Variants in CXCL13 observed in about 807,000 individuals in gnomAD.
CXCL13 encodes C-X-C motif chemokine 13.
CXCL13 carries 7 observed loss-of-function variants against 12.2 expected under a neutral mutation model. That is an observed-to-expected ratio of 0.57 (90% CI 0.33 to 1.07). The LOEUF (loss-of-function observed/expected upper bound fraction) is 1.07. Ranked by LOEUF, CXCL13 falls within the 50% of genes least tolerant of loss-of-function variation. The pLI is 0.04. For missense variants in CXCL13, 113 were observed against 127.4 expected (o/e 0.89, Z 0.55); for synonymous variants, 47 against 42.4 (o/e 1.11, Z -0.42).
rs115474348 is a variant in CXCL13, at chr4:77,578,972, C to T, written c.-42-26852C>T. 9.2e-3 allele frequency among the ~76,000 whole-genome samples: 1,404 copies of T among 152,276 alleles called. 19 individuals carry two copies. The highest frequency in any genetic ancestry group is 0.032 in the African/African-American group (1,315 of 41,560). The stretch of plus-strand genomic sequence containing the variant: ...AGTGTCGCATAGCAGTTTCTGAGAC[C>T]GAAGGTGCATTTTGAACTTCCTTCA... On this transcript the variant is annotated intron_variant, in intron 1 of 4. Transcript: ENST00000286758.
chr4:77,605,954 CTGTT>C (rs781034959), intron 1 of CXCL13, 25 bp downstream of exon 1: 14 of 1,536,900 alleles, frequency 9.1e-6, no homozygotes, highest in Non-Finnish European at 1.3e-5. Flanking sequence ...TTACATTTCA[CTGTT>C]TGTTGAACAG....
chr4:77,563,294 A>T (rs1286183944), intron 1 of CXCL13, among the ~76,000 whole-genome samples: 1 of 152,150 alleles, frequency 6.6e-6, no homozygotes, highest in African/African-American at 2.4e-5. Context: ...GACCGATGAG[A>T]GTTAGTGTCT....
At chr4:77,545,122 T>G (rs1257323345) in intron 1 of CXCL13, among the ~76,000 whole-genome samples, 1 of 151,430 alleles carries the variant, frequency 6.6e-6, no homozygotes, top group Non-Finnish European at 1.5e-5. Context: ...GTTTTGGTAA[T>G]AGTACTATGC....
intron 1 of CXCL13, among the ~76,000 whole-genome samples, chr4:77,540,433 A>T (rs570237692): frequency 1.6e-4 from 24 of 152,156 alleles, no homozygotes; most frequent in African/African-American, 5.5e-4. Context: ...TCCTTCCTCT[A>T]GTACTCCCCA....
In CXCL13 at chr4:77,568,749, C is replaced by T. The variant is rs764058104; in HGVS notation, c.-42-37075C>T. On this transcript the variant is annotated intron_variant, in intron 1 of 4. Transcript: ENST00000286758. ...TTTCGGCATTTGGTTCTGTTTACTGCCCCCGAAATGCTCTGTGGTGTTTGG... is the reference window on the plus strand; with the variant it reads ...TTTCGGCATTTGGTTCTGTTTACTGTCCCCGAAATGCTCTGTGGTGTTTGG... Among the ~76,000 whole-genome samples the T allele has an allele frequency of 8.5e-5, 13 of 152,122 alleles. No individual in the cohort carries two copies. In the East Asian group the frequency reaches 1.7e-3, roughly 20 times the overall value.
At chr4:77,524,870 G>T (rs1247126281) in intron 1 of CXCL13, among the ~76,000 whole-genome samples, 1 of 152,164 alleles carries the variant, frequency 6.6e-6, no homozygotes, top group East Asian at 1.9e-4. Flanking sequence ...CACCACTTTA[G>T]TGTATATTCT....
intron 1 of CXCL13, among the ~76,000 whole-genome samples, chr4:77,564,798 C>A (rs545396963): frequency 6.6e-6 from 1 of 152,252 alleles, no homozygotes; most frequent in Admixed American, 6.5e-5. Flanking sequence ...CATGATGGAG[C>A]AGATATTGTG....
intron 1 of CXCL13, among the ~76,000 whole-genome samples, chr4:77,568,971 G>T (rs918098823): frequency 6.6e-6 from 1 of 152,176 alleles, no homozygotes; most frequent in South Asian, 2.1e-4. Flanking sequence ...GAAAGACTTA[G>T]AAAAACTTCT....
rs1409098010 is a variant in CXCL13 at position 77,610,610 on chromosome 4, C to T, written c.198-4C>T. 2.5e-6 allele frequency: 4 copies of T among 1,604,220 alleles called. No homozygotes were observed. The Admixed American group carries it at 6.7e-5, about 27-fold the overall frequency. On this transcript the variant is annotated splice_region_variant and splice_polypyrimidine_tract_variant and intron_variant, in intron 2 of 3. Transcript: ENST00000682537. ...TGAATTATTTAATTTTTATTTTCCC[C>T]CAGAGTCTGGAAGAAGAACAAGTCA...
At chr4:77,543,935 C>G (rs1725284311) in intron 1 of CXCL13, among the ~76,000 whole-genome samples, 1 of 152,064 alleles carries the variant, frequency 6.6e-6, no homozygotes, top group Non-Finnish European at 1.5e-5. Context: ...GTGTGATGTT[C>G]CCCACCCTGT....
intron 1 of CXCL13, among the ~76,000 whole-genome samples, chr4:77,516,307 A>T (rs1724418285): frequency 6.6e-6 from 1 of 152,140 alleles, no homozygotes. Context: ...TGGTGTCAGG[A>T]TGATGCTGGC....
At chr4:77,552,646 C>G (rs1034839048) in intron 1 of CXCL13, among the ~76,000 whole-genome samples, 2 of 152,230 alleles carry the variant, frequency 1.3e-5, no homozygotes, top group African/African-American at 4.8e-5. Flanking sequence ...ATGGCAGACA[C>G]AAGCACCAGC....
intron 1 of CXCL13, among the ~76,000 whole-genome samples, chr4:77,535,847 T>G (rs1307522199): frequency 6.6e-6 from 1 of 152,166 alleles, no homozygotes; most frequent in East Asian, 1.9e-4. Context: ...AGCATTTGAG[T>G]GCCAGATAAG....
chr4:77,524,013 C>A lies in CXCL13; in HGVS notation c.-43+12225C>A, dbSNP rs570282332. Among the ~76,000 whole-genome samples the A allele has an allele frequency of 1.4e-4, 22 of 152,238 alleles. No homozygotes were observed. In the East Asian group the frequency reaches 2.9e-3, roughly 20 times the overall value. On this transcript the variant is annotated intron_variant, in intron 1 of 4. Coordinates refer to the CXCL13 transcript ENST00000286758. Reference sequence around the variant, plus strand: ...AGTTTGCTGGAGGTCCACTCCAGACCCTGTTTTCCTGGGTATCTCCAGTGG... The same window carrying A: ...AGTTTGCTGGAGGTCCACTCCAGACACTGTTTTCCTGGGTATCTCCAGTGG...
intron 1 of CXCL13, among the ~76,000 whole-genome samples, chr4:77,524,652 A>C (rs951451855): frequency 1.3e-5 from 2 of 151,624 alleles, no homozygotes; most frequent in African/African-American, 4.9e-5. Context: ...AGGAAAGGGA[A>C]ATCCCCTGTC....
chr4:77,598,733 T>A (rs771750746), intron 1 of CXCL13, among the ~76,000 whole-genome samples: 1 of 152,198 alleles, frequency 6.6e-6, no homozygotes, highest in Non-Finnish European at 1.5e-5. Context: ...AGTGAACACA[T>A]TCTACAGAAG....
intron 1 of CXCL13, among the ~76,000 whole-genome samples, chr4:77,527,797 T>C (rs889206866): frequency 6.6e-6 from 1 of 152,206 alleles, no homozygotes; most frequent in Non-Finnish European, 1.5e-5. Flanking sequence ...TTTATTTTTA[T>C]ACTTTAAGTT....
chr4:77,553,056 G>A (rs1004009069), intron 1 of CXCL13, among the ~76,000 whole-genome samples: 3 of 152,308 alleles, frequency 2.0e-5, no homozygotes, highest in African/African-American at 4.8e-5. Flanking sequence ...TGGGGGTGGA[G>A]TGGAAAGGGG....
At chr4:77,603,576 C>T (rs1726937498), upstream of CXCL13, among the ~76,000 whole-genome samples, 1 of 151,992 alleles carries the variant, frequency 6.6e-6, no homozygotes, top group Non-Finnish European at 1.5e-5. Flanking sequence ...AAAAGGTAAA[C>T]CAAGATGGTG....
Sources: allele counts gnomAD v4.1 joint callset (sites outside exome capture counted in the v4.1 genomes callset), GRCh38; gene constraint gnomAD v4.1.1; transcripts MANE v1.5; gene names NCBI Gene and HGNC (gene_info 2026-07-23, HGNC 2026-07-21).